Variants in BRF1 observed in about 807,000 individuals in gnomAD.
BRF1 encodes the protein BRF1 general transcription factor IIIB subunit, also known as transcription factor IIIB 90 kDa subunit.
In BRF1, 59 loss-of-function variants were observed where a neutral mutation model predicts 81.7. The ratio of observed to expected loss-of-function variants is 0.72; its 90% CI spans 0.59 to 0.90. The LOEUF is 0.90. BRF1 is among the 40% of genes least tolerant of loss of function. The pLI is 0.00. For synonymous variants in BRF1, 491 were observed against 395.6 expected (o/e 1.24, Z -2.86); for missense variants, 1,050 against 936.3 (o/e 1.12, Z -1.58).
At chr14:105,286,202 G>A in intron 2 of BRF1, 94 bp downstream of exon 2, 3 of 1,324,422 alleles carry the variant, frequency 2.3e-6, no homozygotes, top group Non-Finnish European at 3.2e-6. Context: ...CAGGCCATGA[G>A]GTCCATGGCT....
rs3784218 is a variant in BRF1 at position 105,254,039 on chromosome 14, G to A, written c.472-1460C>T. ...CCTGCCAGGCCCCTGCATCTTGATCGTCCTGATCCCACCATCTCTCTTTAA... is the reference window on the plus strand; with the variant it reads ...CCTGCCAGGCCCCTGCATCTTGATCATCCTGATCCCACCATCTCTCTTTAA... On this transcript the variant is annotated intron_variant, in intron 4 of 17. Transcript: ENST00000547530. 3.3e-3 allele frequency among the ~76,000 whole-genome samples: 501 copies of A among 152,256 alleles called. 3 individuals carry two copies. The highest frequency in any genetic ancestry group is 0.014 in the East Asian group (73 of 5,178).
intron 3 of BRF1, among the ~76,000 whole-genome samples, chr14:105,265,073 G>GA (rs1018569666): frequency 7.6e-6 from 1 of 131,398 alleles, no homozygotes; most frequent in African/African-American, 2.9e-5. Flanking sequence ...TTGTTTGTTT[G>GA]TTTTTTTAGA....
At chr14:105,256,399 G>C in intron 4 of BRF1, 119 bp downstream of exon 4, 3 of 1,609,476 alleles carry the variant, frequency 1.9e-6, no homozygotes, top group South Asian at 1.1e-5. Context: ...TGGGCAGGCA[G>C]CACAGACCGG....
At chr14:105,264,321 G>A (rs587594828) in intron 3 of BRF1, among the ~76,000 whole-genome samples, 1 of 151,704 alleles carries the variant, frequency 6.6e-6, no homozygotes, top group Non-Finnish European at 1.5e-5. Flanking sequence ...AAAATAAAGA[G>A]CCCAGGAGTT....
In BRF1 at chr14:105,286,392, A is replaced by C. The variant is rs1434145289; in HGVS notation, c.185-16T>G. 1.2e-6 allele frequency: 2 copies of C among 1,608,986 alleles called. No homozygotes were observed. The highest frequency in any genetic ancestry group is 3.4e-5 in the Admixed American group (2 of 59,116). On this transcript the variant is annotated splice_polypyrimidine_tract_variant and intron_variant, in intron 1 of 17. Coordinates refer to ENST00000547530, the MANE Select transcript of BRF1 (RefSeq NM_001519.4). ...TTGCCAGCACCTGGAAACACAAAAA[A>C]AGACAGATCAGCCAAAACTTGGAGA... is the stretch of plus-strand genomic sequence containing the variant.
At chr14:105,257,454 G>C (rs1164859775) in intron 3 of BRF1, among the ~76,000 whole-genome samples, 1 of 152,210 alleles carries the variant, frequency 6.6e-6, no homozygotes, top group African/African-American at 2.4e-5. Context: ...GACCTCTCTT[G>C]CAACTCCATG....
At chr14:105,255,667 C>T (rs755212704) in intron 4 of BRF1, among the ~76,000 whole-genome samples, 26 of 152,214 alleles carry the variant, frequency 1.7e-4, no homozygotes, top group Non-Finnish European at 3.8e-4. Context: ...CTCGGTGCCC[C>T]CACCCTGTAT....
At chr14:105,226,848 C>A (rs1893182732) in intron 7 of BRF1, 88 bp from the exon 8 acceptor site, 2 of 1,589,790 alleles carry the variant, frequency 1.3e-6, no homozygotes, top group African/African-American at 1.3e-5. Flanking sequence ...GTGGCTCATG[C>A]CTGTGATCCC....
rs775954917 is a variant in BRF1 at position 105,272,914 on chromosome 14, A to C, written c.266-20T>G. On this transcript the variant is annotated intron_variant, in intron 2 of 17. Coordinates refer to ENST00000547530, the MANE Select transcript of BRF1 (RefSeq NM_001519.4). ...GCCTCCCTAGGACACAGCACGAGGC[A>C]GCTCTTAGCCAAATGTTCCCACAGA... 2 of 1,564,774 alleles carry C rather than the reference A, an allele frequency of 1.3e-6. No homozygotes were observed. Among genetic ancestry groups the C allele is most frequent in the Admixed American group, 3.6e-5 (2 of 55,386 alleles).
rs587637844 is a variant in BRF1, at chr14:105,250,115, G to T, written c.544+2392C>A. On this transcript the variant is annotated intron_variant, in intron 5 of 17. Coordinates refer to ENST00000547530, the MANE Select transcript of BRF1 (RefSeq NM_001519.4). The stretch of plus-strand genomic sequence containing the variant: ...GTTTGCCAACGGCGCTGCCCAGTCA[G>T]ACATCCTGACTCTGGAGGAGACCCA... 2.5e-6 allele frequency: 4 copies of T among 1,613,002 alleles called. No individual in the cohort carries two copies. The Middle Eastern group carries it at 5.0e-4, about 201-fold the overall frequency.
chr14:105,244,421 G>A (rs1245618635), intron 5 of BRF1, among the ~76,000 whole-genome samples: 1 of 152,170 alleles, frequency 6.6e-6, no homozygotes, highest in Non-Finnish European at 1.5e-5. Flanking sequence ...TCTAGCCTAG[G>A]TGACTGACAC....
In BRF1 at chr14:105,219,611, G is replaced by A. The variant is rs993788884; in HGVS notation, c.1378-379C>T. Reference sequence around the variant, plus strand: ...CTGGAGGGGTCTGAGGCACCACGTGGCCATGAAATCAGGGAAGACGACTTC... The same window carrying A: ...CTGGAGGGGTCTGAGGCACCACGTGACCATGAAATCAGGGAAGACGACTTC... On this transcript the variant is annotated intron_variant, in intron 12 of 17. Coordinates refer to ENST00000547530, the MANE Select transcript of BRF1 (RefSeq NM_001519.4). 1.4e-5 allele frequency: 6 copies of A among 422,776 alleles called. No homozygotes were observed. The Admixed American group carries it at 1.6e-4, about 11-fold the overall frequency. The allele number at this position is 422,776 out of a possible 1,614,324, so 26.2% of individuals were successfully genotyped here. A position where few individuals can be genotyped will look rare whatever the true frequency, so the allele number is the denominator to read the frequency against.
chr14:105,296,136 GGT>G (rs1328717859), intron 1 of BRF1, among the ~76,000 whole-genome samples: 1 of 150,844 alleles, frequency 6.6e-6, no homozygotes, highest in African/African-American at 2.4e-5. Context: ...TTAGGGGCCA[GGT>G]GTGGTGGCTC....
chr14:105,223,644 G>T (rs752147590), intron 10 of BRF1, among the ~76,000 whole-genome samples: 2 of 152,162 alleles, frequency 1.3e-5, no homozygotes, highest in South Asian at 2.1e-4. Context: ...TGGGGCAGGA[G>T]GGGGGGTGGT....
chr14:105,244,861 T>A (rs988421874), intron 5 of BRF1, among the ~76,000 whole-genome samples: 1 of 151,584 alleles, frequency 6.6e-6, no homozygotes, highest in Non-Finnish European at 1.5e-5. Flanking sequence ...GGGACAGTTA[T>A]GAAAATGACC....
At chr14:105,255,757 G>A (rs1393479514) in intron 4 of BRF1, among the ~76,000 whole-genome samples, 1 of 152,200 alleles carries the variant, frequency 6.6e-6, no homozygotes, top group African/African-American at 2.4e-5. Context: ...AGATGTAACT[G>A]AAAGTGCTTT....
intron 10 of BRF1, 143 bp from the exon 11 acceptor site, chr14:105,222,057 G>A (rs1566807660): frequency 1.6e-5 from 17 of 1,084,874 alleles, no homozygotes; most frequent in East Asian, 2.7e-5. Flanking sequence ...GCCAAAGAAC[G>A]AGCCTCAGCC....
At chr14:105,256,734 C>T (rs886933563) in intron 3 of BRF1, among the ~76,000 whole-genome samples, 185 bp from the exon 4 acceptor site, 2 of 152,216 alleles carry the variant, frequency 1.3e-5, no homozygotes, top group African/African-American at 2.4e-5. Flanking sequence ...TCAGGCCTCA[C>T]CAGAACCTCC....
intron 15 of BRF1, among the ~76,000 whole-genome samples, chr14:105,213,882 C>T (rs587665577): frequency 6.6e-6 from 1 of 152,308 alleles, no homozygotes; most frequent in East Asian, 1.9e-4. Flanking sequence ...GTCTCAAGGG[C>T]TTCCCCCTCT....
Sources: allele counts gnomAD v4.1 joint callset (sites outside exome capture counted in the v4.1 genomes callset), GRCh38; gene constraint gnomAD v4.1.1; transcripts MANE v1.5; gene names NCBI Gene and HGNC (gene_info 2026-07-23, HGNC 2026-07-21).